Variants in SORCS3 observed in about 807,000 individuals in gnomAD.
The protein encoded by SORCS3 is sortilin related VPS10 domain containing receptor 3.
In SORCS3, 57 loss-of-function variants were observed where a neutral mutation model predicts 146.3. That is an observed-to-expected ratio of 0.39 (90% CI 0.31 to 0.49). The LOEUF is 0.49. Ranked by LOEUF, SORCS3 falls within the 20% of genes least tolerant of loss-of-function variation. SORCS3 has a pLI of 0.92. For synonymous variants in SORCS3, 653 were observed against 618.5 expected (o/e 1.06, Z -0.83); for missense variants, 1,341 against 1,575.5 (o/e 0.85, Z 2.52).
At chr10:104,921,334 A>G (rs2019084218) in intron 3 of SORCS3, among the ~76,000 whole-genome samples, 1 of 152,214 alleles carries the variant, frequency 6.6e-6, no homozygotes, top group Non-Finnish European at 1.5e-5. Flanking sequence ...TTGAGTGGAC[A>G]GAGAAATGCA....
At chr10:104,728,255 A>G (rs2016665588) in intron 1 of SORCS3, among the ~76,000 whole-genome samples, 1 of 152,078 alleles carries the variant, frequency 6.6e-6, no homozygotes, top group African/African-American at 2.4e-5. Flanking sequence ...TTCTGCTTCT[A>G]AGATTAAAGG....
chr10:104,820,868 G>C lies in SORCS3; in HGVS notation c.628-21924G>C, dbSNP rs544559733. ...TATAAAAGAAGGAGCAACAGAATCT[G>C]TCTTGAGAAGTCATGATAGGCCTTG... On this transcript the variant is annotated intron_variant, in intron 1 of 26. Transcript: ENST00000369701. 1.6e-4 allele frequency among the ~76,000 whole-genome samples: 24 copies of C among 152,282 alleles called. No individual in the cohort carries two copies. In the East Asian group the frequency reaches 4.6e-3, roughly 29 times the overall value.
chr10:104,899,818 A>T (rs1318948203), intron 2 of SORCS3, among the ~76,000 whole-genome samples: 1 of 152,122 alleles, frequency 6.6e-6, no homozygotes, highest in Non-Finnish European at 1.5e-5. Flanking sequence ...TGTGCCAAGC[A>T]TTAGGTCAAC....
chr10:104,791,833 A>G (rs1204485624), intron 1 of SORCS3, among the ~76,000 whole-genome samples: 1 of 152,162 alleles, frequency 6.6e-6, no homozygotes, highest in African/African-American at 2.4e-5. Context: ...CTCCATTCAT[A>G]AGCAGATTAG....
chr10:105,013,295 T>C (rs569266708), intron 4 of SORCS3, among the ~76,000 whole-genome samples: 1 of 152,132 alleles, frequency 6.6e-6, no homozygotes, highest in Non-Finnish European at 1.5e-5. Context: ...TTATTTTTAA[T>C]AGTAAAACAT....
At chr10:105,139,156 C>G (rs952980283) in intron 7 of SORCS3, among the ~76,000 whole-genome samples, 7 of 152,256 alleles carry the variant, frequency 4.6e-5, no homozygotes, top group Non-Finnish European at 5.9e-5. Context: ...GAGTCAGTCT[C>G]TGTTCTGAGG....
chr10:105,263,252 G>A, intron 26 of SORCS3, 58 bp from the exon 27 acceptor site: 1 of 1,555,726 alleles, frequency 6.4e-7, no homozygotes. Flanking sequence ...ATAAAACTAA[G>A]ATCCCTGCCC....
intron 5 of SORCS3, among the ~76,000 whole-genome samples, chr10:105,069,791 T>A (rs1448553664): frequency 6.6e-6 from 1 of 152,208 alleles, no homozygotes; most frequent in African/African-American, 2.4e-5. Context: ...TATCAACAGA[T>A]GGATTTATCA....
rs757178584 is a variant in SORCS3, at chr10:105,201,239, T to A, written c.2247T>A (p.Asn749Lys). The A allele has an allele frequency of 6.2e-7, 1 of 1,608,116 alleles. No homozygotes were observed. The highest frequency in any genetic ancestry group is 2.2e-5 in the East Asian group (1 of 44,778). ...SVVSEPCVCA[N>K]WDFECDYGYE... The stretch of plus-strand genomic sequence containing the variant: ...TCTCAGAACCCTGTGTCTGTGCCAA[T>A]TGGGACTTCGAGTGGTGAGTTGTTT... The change falls in exon 16 of 27, where the codon AAT becomes AAA. Residue 749 changes from asparagine to lysine, a missense_variant. By Grantham distance (94) the Asn-to-Lys change is moderately conservative. Coordinates refer to ENST00000369701, the MANE Select transcript of SORCS3 (RefSeq NM_014978.3).
At chr10:104,904,910 A>G (rs745625985) in intron 2 of SORCS3, among the ~76,000 whole-genome samples, 2 of 151,914 alleles carry the variant, frequency 1.3e-5, no homozygotes, top group African/African-American at 2.4e-5. Flanking sequence ...GAGCCAGCCC[A>G]TGTCATGTGG....
intron 2 of SORCS3, among the ~76,000 whole-genome samples, chr10:104,848,761 C>G (rs965684460): frequency 4.6e-5 from 7 of 152,168 alleles, no homozygotes; most frequent in Non-Finnish European, 1.0e-4. Flanking sequence ...CTATATTAAT[C>G]GAGCACCCAT....
At position 104,887,965 on chromosome 10, in the gene SORCS3, GGC is replaced by G. The variant is rs1564706329; in HGVS notation, c.696-27866_696-27865del. ...CCCAGCAACATGGTGGGGGCGGGGG[GGC>G]GGGGGCGGAGCAAGCCCATGAAGAC... On this transcript the variant is annotated intron_variant, in intron 2 of 26. Coordinates refer to ENST00000369701, the MANE Select transcript of SORCS3 (RefSeq NM_014978.3). Among the ~76,000 whole-genome samples, 15 of 126,994 alleles carry G rather than the reference GGC, an allele frequency of 1.2e-4. 2 individuals carry two copies. The highest frequency in any genetic ancestry group is 3.0e-4 in the African/African-American group (9 of 30,214). The allele number at this position is 126,994 out of a possible 152,430, so 83.3% of individuals were successfully genotyped here.
At chr10:104,940,247 TTTTTTTTTA>T (rs1564718000) in intron 3 of SORCS3, among the ~76,000 whole-genome samples, 5 of 95,854 alleles carry the variant, frequency 5.2e-5, no homozygotes, top group African/African-American at 1.9e-4. Flanking sequence ...TATTTTTTTT[TTTTTTTTTA>T]TTATACTTTA....
intron 1 of SORCS3, among the ~76,000 whole-genome samples, chr10:104,696,587 ATTATATAC>A (rs2016207826): frequency 9.9e-6 from 1 of 101,212 alleles, no homozygotes; most frequent in Non-Finnish European, 1.8e-5. Flanking sequence ...TATAATATAT[ATTATATAC>A]GTATATATTA....
intron 1 of SORCS3, among the ~76,000 whole-genome samples, chr10:104,694,604 T>C (rs2016152001): frequency 2.0e-5 from 3 of 152,090 alleles, no homozygotes; most frequent in Admixed American, 1.3e-4. Context: ...TGTGTCCATG[T>C]CAAGGGTGAA....
At chr10:104,881,557 A>G (rs1441345185) in intron 2 of SORCS3, among the ~76,000 whole-genome samples, 1 of 152,220 alleles carries the variant, frequency 6.6e-6, no homozygotes, top group Non-Finnish European at 1.5e-5. Flanking sequence ...TTGATTAAAG[A>G]GAATTCTTTT....
chr10:105,121,481 G>A (rs2055932551), intron 7 of SORCS3, among the ~76,000 whole-genome samples: 1 of 152,158 alleles, frequency 6.6e-6, no homozygotes. Flanking sequence ...GATGACACAA[G>A]AGGACAATGA....
chr10:105,194,787 T>C (rs1312968770), intron 14 of SORCS3, among the ~76,000 whole-genome samples: 1 of 152,160 alleles, frequency 6.6e-6, no homozygotes, highest in Non-Finnish European at 1.5e-5. Context: ...AAATTCTAGA[T>C]TGATGGTCTG....
At chr10:105,124,750 C>G (rs905894987) in intron 7 of SORCS3, among the ~76,000 whole-genome samples, 5 of 152,122 alleles carry the variant, frequency 3.3e-5, no homozygotes, top group African/African-American at 1.2e-4. Flanking sequence ...CCCACCTCTC[C>G]CTCTAGCCTT....
Sources: allele counts gnomAD v4.1 joint callset (sites outside exome capture counted in the v4.1 genomes callset), GRCh38; gene constraint gnomAD v4.1.1; transcripts MANE v1.5; gene names NCBI Gene and HGNC (gene_info 2026-07-23, HGNC 2026-07-21).